DNAI7: variants seen among roughly 807,000 people sequenced by gnomAD.
The protein encoded by DNAI7 is dynein axonemal intermediate chain 7.
A neutral mutation model predicts 86.6 loss-of-function variants in DNAI7; 78 were observed. The ratio of observed to expected loss-of-function variants is 0.90; its 90% CI spans 0.75 to 1.09. DNAI7 has a LOEUF of 1.09. DNAI7 is among the 50% of genes least tolerant of loss of function. DNAI7 has a pLI of 0.00. For synonymous variants in DNAI7, 274 were observed against 273.0 expected (o/e 1.00, Z -0.04); for missense variants, 753 against 810.2 (o/e 0.93, Z 0.86).
At chr12:25,179,629 A>G (rs959604351) in intron 2 of DNAI7, among the ~76,000 whole-genome samples, 2 of 152,174 alleles carry the variant, frequency 1.3e-5, no homozygotes, top group Non-Finnish European at 1.5e-5. Flanking sequence ...GGTTCAACAT[A>G]CACAAATCAA....
chr12:25,159,762 C>T (rs1338721801), intron 3 of DNAI7, among the ~76,000 whole-genome samples: 4 of 151,820 alleles, frequency 2.6e-5, no homozygotes, highest in Non-Finnish European at 2.9e-5. Context: ...GATATAGATC[C>T]TGATATTGTA....
At chr12:25,122,960 G>A (rs1389581543) in intron 10 of DNAI7, among the ~76,000 whole-genome samples, 1 of 152,066 alleles carries the variant, frequency 6.6e-6, no homozygotes, top group African/African-American at 2.4e-5. Flanking sequence ...GTTGTTAGGT[G>A]GGAAAAAAGT....
chr12:25,175,936 C>T (rs1382246157), intron 2 of DNAI7, among the ~76,000 whole-genome samples: 2 of 151,522 alleles, frequency 1.3e-5, no homozygotes, highest in South Asian at 2.1e-4. Flanking sequence ...AAAAATTAGC[C>T]GGGTATGGTG....
At chr12:25,177,840 TA>T in intron 2 of DNAI7, among the ~76,000 whole-genome samples, 1 of 152,290 alleles carries the variant, frequency 6.6e-6, no homozygotes, top group South Asian at 2.1e-4. Flanking sequence ...TAAAAGGTGT[TA>T]AAAAATACAG....
At chr12:25,142,073 A>C (rs1271174220) in intron 9 of DNAI7, among the ~76,000 whole-genome samples, 1 of 152,252 alleles carries the variant, frequency 6.6e-6, no homozygotes. Flanking sequence ...ACAATTTGCA[A>C]TTGCAAAAAC....
At chr12:25,107,872 A>G (rs750850736), downstream of DNAI7, 4 of 1,614,142 alleles carry the variant, frequency 2.5e-6, no homozygotes, top group African/African-American at 1.3e-5. Context: ...CAGAAAGGCT[A>G]ATAAGGCCCT....
intron 2 of DNAI7, among the ~76,000 whole-genome samples, chr12:25,164,752 C>T (rs978091975): frequency 1.3e-5 from 2 of 152,108 alleles, no homozygotes; most frequent in Admixed American, 6.5e-5. Context: ...CCCAACCCCA[C>T]GCGTCGCTGA....
At chr12:25,174,230 G>C (rs2141187051) in intron 2 of DNAI7, among the ~76,000 whole-genome samples, 1 of 146,084 alleles carries the variant, frequency 6.8e-6, no homozygotes, top group Middle Eastern at 3.6e-3. Flanking sequence ...TCACGTTGTG[G>C]GTTGTCTGTT....
At chr12:25,139,640 T>C (rs1228984447) in intron 9 of DNAI7, among the ~76,000 whole-genome samples, 1 of 151,776 alleles carries the variant, frequency 6.6e-6, no homozygotes, top group African/African-American at 2.4e-5. Flanking sequence ...TAAGTGTGAG[T>C]TGAACAATGA....
At chr12:25,151,510 C>G (rs547485942) in intron 6 of DNAI7, among the ~76,000 whole-genome samples, 1 of 152,286 alleles carries the variant, frequency 6.6e-6, no homozygotes, top group South Asian at 2.1e-4. Flanking sequence ...TTTGCTATTA[C>G]TTCTACTTCT....
intron 5 of DNAI7, among the ~76,000 whole-genome samples, 198 bp downstream of exon 5, chr12:25,155,113 C>G (rs1945999280): frequency 6.6e-6 from 1 of 152,168 alleles, no homozygotes; most frequent in East Asian, 1.9e-4. Context: ...AGAATATAAA[C>G]ATTTCAAGGA....
At chr12:25,135,849 C>T (rs559836072) in intron 9 of DNAI7, among the ~76,000 whole-genome samples, 19 of 151,814 alleles carry the variant, frequency 1.3e-4, no homozygotes, top group African/African-American at 4.1e-4. Context: ...GCCGCAGCAA[C>T]CCCCGCCCAA....
intron 2 of DNAI7, among the ~76,000 whole-genome samples, chr12:25,177,619 A>C (rs1286539842): frequency 2.0e-5 from 3 of 152,112 alleles, no homozygotes; most frequent in African/African-American, 7.2e-5. Flanking sequence ...AAACCTTTGA[A>C]TATATCTATC....
Position 25,146,868 on chromosome 12 carries a change from A to C in DNAI7, c.689+133T>G, listed in dbSNP as rs143240783. ...ATGGCGGGTTTCTGATTCAACCCTT[A>C]GTGGGCTAACTTCCTGAAATGGGCT... On this transcript the variant is annotated intron_variant, in intron 8 of 15. Transcript: ENST00000395987. 136 of 588,102 alleles carry C rather than the reference A, an allele frequency of 2.3e-4. No homozygotes were observed. The African/African-American group carries it at 2.4e-3, about 10-fold the overall frequency. The allele number at this position is 588,102 out of a possible 1,614,324, so 36.4% of individuals were successfully genotyped here.
chr12:25,157,986 T>C (rs1375529994), intron 4 of DNAI7, among the ~76,000 whole-genome samples: 4 of 152,094 alleles, frequency 2.6e-5, no homozygotes, highest in Admixed American at 1.3e-4. Context: ...TCCCAGCCCT[T>C]TGGGAGGCTG....
At chr12:25,168,880 G>T (rs148096815) in intron 2 of DNAI7, among the ~76,000 whole-genome samples, 7 of 151,772 alleles carry the variant, frequency 4.6e-5, no homozygotes, top group Non-Finnish European at 1.0e-4. Context: ...AATTCTACAC[G>T]ACAAAATGTT....
intron 14 of DNAI7, among the ~76,000 whole-genome samples, chr12:25,110,519 T>TCA (rs1949741895): frequency 6.6e-6 from 1 of 152,166 alleles, no homozygotes; most frequent in African/African-American, 2.4e-5. Context: ...CTTTGCTCTC[T>TCA]CAGTTCCAGG....
At chr12:25,120,852 A>AGGGCATCAGCAGCAT (rs1179616503) in intron 11 of DNAI7, among the ~76,000 whole-genome samples, 2 of 152,248 alleles carry the variant, frequency 1.3e-5, no homozygotes, top group Non-Finnish European at 2.9e-5. Flanking sequence ...AAGTGTGGTC[A>AGGGCATCAGCAGCAT]GGGCATCAGC....
intron 2 of DNAI7, among the ~76,000 whole-genome samples, chr12:25,167,678 C>G (rs906878382): frequency 3.3e-5 from 5 of 152,174 alleles, no homozygotes; most frequent in Non-Finnish European, 5.9e-5. Context: ...TCCGAACTTC[C>G]TTTAACAGCC....
Sources: gnomAD v4.1 joint callset for allele counts (sites outside exome capture counted in the v4.1 genomes callset) on GRCh38, gnomAD v4.1.1 for gene constraint, MANE v1.5 for transcripts, NCBI Gene and HGNC (gene_info 2026-07-23, HGNC 2026-07-21) for gene names.